RADIL: variants seen among roughly 807,000 people sequenced by gnomAD.
RADIL encodes Rap associating with DIL domain, also known as ras-associating and dilute domain-containing protein.
RADIL carries 99 observed loss-of-function variants against 97.6 expected under a neutral mutation model. That is an observed-to-expected ratio of 1.01 (90% confidence interval 0.86 to 1.20). The LOEUF (loss-of-function observed/expected upper bound fraction) is 1.20. Ranked by LOEUF, RADIL falls within the 50% of genes most tolerant of loss-of-function variation. RADIL has a pLI of 0.00. For missense variants in RADIL, 1,765 were observed against 1,498.9 expected (o/e 1.18, Z -2.93); for synonymous variants, 803 against 691.8 (o/e 1.16, Z -2.52).
In RADIL at chr7:4,878,064, T is replaced by C. The variant is rs1337176951; in HGVS notation, c.76A>G (p.Ser26Gly). The change falls in exon 2 of 15, where the codon AGC (serine) becomes GGC (glycine). Residue 26 changes from serine (S) to glycine (G), a missense_variant. Transcript: ENST00000399583. The surrounding 1 kb of genome is among the most constrained non-coding windows in gnomAD (Gnocchi z 4.1). ...TAGCTCAGCGTCCGGGACAGCATGC[T>C]GGACAACAGCTGGCTCTGCCGCTTC... ...KLKRQSQLLS[S>G]MLSRTLSYKY... The C allele has an allele frequency of 6.2e-7, 1 of 1,600,474 alleles. No homozygotes were observed. The highest frequency in any genetic ancestry group is 8.5e-7 in the Non-Finnish European group (1 of 1,174,678).
At chr7:4,860,091 C>A in intron 2 of RADIL, 2 of 1,614,014 alleles carry the variant, frequency 1.2e-6, no homozygotes, top group East Asian at 2.2e-5. Flanking sequence ...AAGGAAAATT[C>A]AGTAGCCTGT....
At position 4,798,006 on chromosome 7, in the gene RADIL, A is replaced by G. The variant is rs928479768; in HGVS notation, c.*1372T>C. The G allele has an allele frequency of 2.9e-5, 4 of 138,822 alleles. No homozygotes were observed. The highest frequency in any genetic ancestry group is 4.5e-5 in the Non-Finnish European group (3 of 67,366). The allele number at this position is 138,822 out of a possible 1,614,324, so 8.6% of individuals were successfully genotyped here. A position where few individuals can be genotyped will look rare whatever the true frequency, so the allele number is the denominator to read the frequency against. On this transcript the variant is annotated 3_prime_UTR_variant, in exon 15 of 15. Coordinates refer to ENST00000399583, the MANE Select transcript of RADIL (RefSeq NM_018059.5). ...AAAATTAAATATTTATATTTTATAT[A>G]ATAAAATATAAAAAATGTTTATAAA...
chr7:4,831,551 T>C (rs377399512), intron 5 of RADIL, among the ~76,000 whole-genome samples: 1 of 53,358 alleles, frequency 1.9e-5, no homozygotes, highest in East Asian at 4.5e-4. Context: ...GGAAAATAAA[T>C]AAACTAATAA....
At chr7:4,810,676 G>T (rs1782517160) in intron 9 of RADIL, among the ~76,000 whole-genome samples, 1 of 152,246 alleles carries the variant, frequency 6.6e-6, no homozygotes, top group Admixed American at 6.5e-5. Flanking sequence ...CTCAATCGGA[G>T]CACATGCACT....
intron 2 of RADIL, among the ~76,000 whole-genome samples, chr7:4,848,303 T>C (rs1413544446): frequency 1.3e-5 from 2 of 151,638 alleles, no homozygotes; most frequent in Non-Finnish European, 2.9e-5. Flanking sequence ...TTCAATTGTA[T>C]ACTAAAAACA....
At chr7:4,807,654 T>TCC (rs1423103680) in intron 9 of RADIL, among the ~76,000 whole-genome samples, 7 of 71,264 alleles carry the variant, frequency 9.8e-5, no homozygotes, top group African/African-American at 4.3e-4. Context: ...TCCTTCTCTC[T>TCC]CTCTGTCTCC....
At chr7:4,881,981 G>A (rs904113180) in intron 1 of RADIL, 6 of 149,682 alleles carry the variant, frequency 4.0e-5, no homozygotes, top group African/African-American at 1.2e-4. Context: ...AGTTTCCGGA[G>A]CCGGATTCGA....
intron 2 of RADIL, among the ~76,000 whole-genome samples, chr7:4,862,215 T>C (rs982196551): frequency 6.6e-6 from 1 of 152,232 alleles, no homozygotes; most frequent in Non-Finnish European, 1.5e-5. Flanking sequence ...TTTGCCCAAC[T>C]TTACCCATCT....
At chr7:4,876,622 C>T (rs1357115334) in intron 2 of RADIL, among the ~76,000 whole-genome samples, 2 of 149,770 alleles carry the variant, frequency 1.3e-5, no homozygotes, top group African/African-American at 5.1e-5. Context: ...TTATGACACA[C>T]ACCTATTAAG....
chr7:4,809,742 G>C (rs142477943), intron 9 of RADIL: 17,130 of 630,250 alleles, frequency 0.027, 283 homozygotes, highest in Middle Eastern at 0.03. Flanking sequence ...GAGTGCAGTG[G>C]CGTGATCTCG....
At position 4,880,243 on chromosome 7, in the gene RADIL, C is replaced by G. The variant is rs562631477; in HGVS notation, c.-64-2040G>C. Among the ~76,000 whole-genome samples the G allele has an allele frequency of 6.6e-6, 1 of 152,296 alleles. No individual in the cohort carries two copies. Among genetic ancestry groups the G allele is most frequent in the East Asian group, 1.9e-4 (1 of 5,176 alleles). On this transcript the variant is annotated intron_variant, in intron 1 of 14. Transcript: ENST00000399583. The surrounding 1 kb of genome is among the most constrained non-coding windows in gnomAD (Gnocchi z 4.5). ...AGGAGCAAAGCCTTTGTTTCTCTTC[C>G]TCTGAGGAAGGTGCAACGAGTGGCC...
chr7:4,834,936 G>T lies in RADIL; in HGVS notation c.1087C>A (p.Pro363Thr). 1 of 1,594,612 alleles carries T rather than the reference G, an allele frequency of 6.3e-7. No individual in the cohort carries two copies. ...CGCGCCAAGGCCCGGGCGGGCAGGG[G>T]CTGGGCCTGCGCGGGGTCCTTGAAT... ...LLFKDPAQAQPLPARALARLR... is the reference protein window; with the variant it reads ...LLFKDPAQAQTLPARALARLR... Residue 363 changes from proline (P) to threonine (T), a missense_variant, in exon 4 of 15, where the codon CCC becomes ACC. Physicochemically the swap from Pro to Thr is conservative, Grantham distance 38. Coordinates refer to ENST00000399583, the MANE Select transcript of RADIL (RefSeq NM_018059.5). This position sits in a 1 kb window ranked among gnomAD's most constrained non-coding sequence, Gnocchi z 6.0.
At chr7:4,861,630 G>C in intron 2 of RADIL, 3 of 1,610,676 alleles carry the variant, frequency 1.9e-6, no homozygotes, top group Non-Finnish European at 1.7e-6. Flanking sequence ...AAAATCCTGC[G>C]CTGCAGTTCC....
intron 5 of RADIL, among the ~76,000 whole-genome samples, chr7:4,827,873 T>C (rs1783041204): frequency 6.6e-6 from 1 of 150,758 alleles, no homozygotes; most frequent in African/African-American, 2.5e-5. Context: ...ACCTTGTTAC[T>C]AAAATCAGAC....
intron 13 of RADIL, 94 bp from the exon 14 acceptor site, chr7:4,799,863 C>T (rs1782020225): frequency 1.4e-6 from 2 of 1,425,058 alleles, no homozygotes; most frequent in Non-Finnish European, 9.2e-7. Context: ...CTACAGGCCC[C>T]CGCCTGGCAT....
At chr7:4,881,553 C>T (rs933923753) in intron 1 of RADIL, among the ~76,000 whole-genome samples, 2 of 151,622 alleles carry the variant, frequency 1.3e-5, no homozygotes, top group African/African-American at 4.9e-5. Context: ...ATGGTGAAAC[C>T]CTGTCTCCAC....
chr7:4,859,750 G>A (rs993129319), intron 2 of RADIL: 8 of 617,230 alleles, frequency 1.3e-5, no homozygotes, highest in Non-Finnish European at 1.7e-5. Flanking sequence ...GATCTATACT[G>A]ATGTTCCCTG....
intron 13 of RADIL, 102 bp from the exon 14 acceptor site, chr7:4,799,871 C>T (rs533508014): frequency 3.2e-5 from 46 of 1,417,800 alleles, no homozygotes; most frequent in African/African-American, 1.0e-4. Context: ...CCCCGCCTGG[C>T]ATCCAGCCAG....
In RADIL at chr7:4,883,678, T is replaced by A. The variant is rs1784531267; in HGVS notation, c.-147A>T. 1.3e-5 allele frequency: 2 copies of A among 151,848 alleles called. No individual in the cohort carries two copies. Among genetic ancestry groups the A allele is most frequent in the Non-Finnish European group, 2.9e-5 (2 of 67,972 alleles). 9.4% of individuals were successfully genotyped at this position (151,848 alleles called of 1,614,324 possible). ...TGGGGCCGGCGCCCAGACCCGCGCG[T>A]GCCGCGGCGCCTCCTGCCGGCGGCG... On this transcript the variant is annotated 5_prime_UTR_variant, in exon 1 of 15. Transcript: ENST00000399583. This position sits in a 1 kb window ranked among gnomAD's most constrained non-coding sequence, Gnocchi z 7.1.
Sources: gnomAD v4.1 joint callset for allele counts (sites outside exome capture counted in the v4.1 genomes callset) on GRCh38, gnomAD v4.1.1 for gene constraint, Gnocchi (gnomAD v3.1) non-coding constraint, MANE v1.5 for transcripts, NCBI Gene and HGNC (gene_info 2026-07-23, HGNC 2026-07-21) for gene names.